EPHA5: variants seen among roughly 807,000 people sequenced by gnomAD.
EPHA5 encodes ephrin type-A receptor 5.
A neutral mutation model predicts 105.0 loss-of-function variants in EPHA5; 60 were observed. The ratio of observed to expected loss-of-function variants is 0.57; its 90% CI spans 0.46 to 0.71. EPHA5 has a LOEUF of 0.71. Among genes scored for constraint, EPHA5 ranks in the 30% least tolerant of loss-of-function variants. EPHA5 has a pLI of 0.00. For synonymous variants in EPHA5, 513 were observed against 449.1 expected, an observed-to-expected ratio of 1.14 and a Z score of -1.80; for missense variants, 1,218 against 1,274.7, an observed-to-expected ratio of 0.96 and a Z score of 0.68.
intron 1 of EPHA5, among the ~76,000 whole-genome samples, chr4:65,659,500 C>G (rs1749374926): frequency 6.6e-6 from 1 of 151,830 alleles, no homozygotes; most frequent in African/African-American, 2.4e-5. Flanking sequence ...AGTATGATGA[C>G]CAGCAGCTGA....
intron 3 of EPHA5, among the ~76,000 whole-genome samples, chr4:65,521,339 A>T (rs1016409595): frequency 6.6e-6 from 1 of 152,072 alleles, no homozygotes; most frequent in African/African-American, 2.4e-5. Flanking sequence ...ACCCTTGGAC[A>T]CAGGAAGGGG....
chr4:65,574,733 TATATATATAC>T (rs1271222757), intron 3 of EPHA5, among the ~76,000 whole-genome samples: 6,164 of 94,356 alleles, frequency 0.065, 577 homozygotes, highest in African/African-American at 0.094. Flanking sequence ...TATATATACA[TATATATATAC>T]ATATATATAT....
intron 3 of EPHA5, among the ~76,000 whole-genome samples, chr4:65,518,380 C>A (rs1009103600): frequency 1.7e-4 from 25 of 151,508 alleles, no homozygotes; most frequent in African/African-American, 6.1e-4. Context: ...TTCATTTTGC[C>A]ATATTTTTGT....
At chr4:65,561,672 C>T (rs138043662) in intron 3 of EPHA5, among the ~76,000 whole-genome samples, 1 of 152,144 alleles carries the variant, frequency 6.6e-6, no homozygotes, top group Non-Finnish European at 1.5e-5. Flanking sequence ...TTAAATCTTT[C>T]AATGCCTGGA....
chr4:65,340,731 T>C lies in EPHA5; in HGVS notation c.2596-4606A>G, dbSNP rs1721632301. Among the ~76,000 whole-genome samples the C allele has an allele frequency of 2.0e-5, 3 of 152,178 alleles. No homozygotes were observed. The South Asian group carries it at 6.2e-4, about 32-fold the overall frequency. On this transcript the variant is annotated intron_variant, in intron 14 of 16. Transcript: ENST00000613740. ...CCATGAAACAGATGTTTTCTGAACC[T>C]ATGCGAAGTAAGTGTGTCATGGCAA...
chr4:65,532,408 T>TA (rs1387937335), intron 3 of EPHA5, among the ~76,000 whole-genome samples: 1 of 151,966 alleles, frequency 6.6e-6, no homozygotes, highest in East Asian at 1.9e-4. Context: ...TTCAGACACA[T>TA]AAAATTCAGG....
At chr4:65,446,199 C>A (rs1258913310) in intron 5 of EPHA5, among the ~76,000 whole-genome samples, 1 of 152,014 alleles carries the variant, frequency 6.6e-6, no homozygotes, top group East Asian at 1.9e-4. Context: ...GCAATTGTAC[C>A]AATTGTCTAT....
At chr4:65,450,184 T>C (rs964426880) in intron 5 of EPHA5, among the ~76,000 whole-genome samples, 2 of 152,148 alleles carry the variant, frequency 1.3e-5, no homozygotes, top group African/African-American at 4.8e-5. Flanking sequence ...CACTTAAGGA[T>C]GATAGTATAT....
At chr4:65,522,784 G>A (rs1734880741) in intron 3 of EPHA5, among the ~76,000 whole-genome samples, 1 of 151,960 alleles carries the variant, frequency 6.6e-6, no homozygotes, top group Non-Finnish European at 1.5e-5. Context: ...TCCTTCATGA[G>A]CTCTTCACTT....
intron 3 of EPHA5, among the ~76,000 whole-genome samples, chr4:65,553,367 C>T (rs1288464893): frequency 1.3e-5 from 2 of 152,012 alleles, no homozygotes; most frequent in Non-Finnish European, 2.9e-5. Context: ...CCTTGAAGGA[C>T]AACCTGGCTT....
intron 11 of EPHA5, among the ~76,000 whole-genome samples, chr4:65,362,521 G>A (rs1391735101): frequency 6.6e-6 from 1 of 151,692 alleles, no homozygotes; most frequent in African/African-American, 2.4e-5. Context: ...GGTATTTACA[G>A]TTTGCTTTAC....
chr4:65,538,962 G>C (rs1481217531), intron 3 of EPHA5, among the ~76,000 whole-genome samples: 3 of 151,706 alleles, frequency 2.0e-5, no homozygotes, highest in Non-Finnish European at 4.4e-5. Context: ...ATCACGAAGA[G>C]TAGCCTGTCT....
intron 8 of EPHA5, among the ~76,000 whole-genome samples, chr4:65,368,619 C>A (rs1325739731): frequency 6.6e-6 from 1 of 152,172 alleles, no homozygotes; most frequent in South Asian, 2.1e-4. Flanking sequence ...TGCTCCTCCA[C>A]TCTGTAACTC....
At chr4:65,549,507 T>C (rs1190807130) in intron 3 of EPHA5, among the ~76,000 whole-genome samples, 2 of 151,702 alleles carry the variant, frequency 1.3e-5, no homozygotes. Context: ...AGCAATGATA[T>C]TTGGGTTTGG....
chr4:65,553,221 AACTC>A, intron 3 of EPHA5, among the ~76,000 whole-genome samples: 1 of 152,108 alleles, frequency 6.6e-6, no homozygotes. Context: ...AGAAAGAAGA[AACTC>A]AATTGCATCT....
At chr4:65,488,812 T>C (rs1469771539) in intron 5 of EPHA5, among the ~76,000 whole-genome samples, 1 of 152,020 alleles carries the variant, frequency 6.6e-6, no homozygotes, top group Non-Finnish European at 1.5e-5. Flanking sequence ...TCACACAATC[T>C]GGGCTAATTT....
rs1742717055 is a variant in EPHA5, at chr4:65,592,070, AT to A, written c.910+9570del. Among the ~76,000 whole-genome samples the A allele has an allele frequency of 2.0e-5, 3 of 152,134 alleles. No homozygotes were observed. In the South Asian group the frequency reaches 6.2e-4, roughly 31 times the overall value. On this transcript the variant is annotated intron_variant, in intron 3 of 16. Transcript: ENST00000613740. The stretch of plus-strand genomic sequence containing the variant: ...TTTGGCATGGTATACCTGGGGAGCT[AT>A]AAAATTTAGAATTCGTGAGTTTTCA...
At chr4:65,384,999 C>T (rs192896430) in intron 8 of EPHA5, among the ~76,000 whole-genome samples, 1 of 151,354 alleles carries the variant, frequency 6.6e-6, no homozygotes, top group Admixed American at 6.6e-5. Context: ...TAGAAAAGAA[C>T]GTAGGATTAT....
chr4:65,412,803 CAT>C (rs1457808623), intron 7 of EPHA5, among the ~76,000 whole-genome samples: 2 of 152,032 alleles, frequency 1.3e-5, no homozygotes, highest in African/African-American at 4.8e-5. Context: ...CCATTTAATA[CAT>C]ATGTAAATGA....
Sources: allele counts gnomAD v4.1 joint callset (sites outside exome capture counted in the v4.1 genomes callset), GRCh38; gene constraint gnomAD v4.1.1; transcripts MANE v1.5; gene names NCBI Gene and HGNC (gene_info 2026-07-23, HGNC 2026-07-21).